Variants in PPTC7 observed in about 807,000 individuals in gnomAD.
PPTC7 encodes the protein protein phosphatase PTC7 homolog.
Under a neutral mutation model 30.8 loss-of-function variants are expected in PPTC7, and 6 were observed. The ratio of observed to expected loss-of-function variants is 0.19; its 90% CI spans 0.11 to 0.38. The LOEUF (loss-of-function observed/expected upper bound fraction) is 0.38. Among genes scored for constraint, PPTC7 ranks in the 10% least tolerant of loss-of-function variants. The probability of loss-of-function intolerance (pLI) is 1.00; values close to 1 mark genes in which losing one functional copy is unlikely to be tolerated. For synonymous variants in PPTC7, 163 were observed against 168.1 expected (o/e 0.97, Z 0.23); for missense variants, 218 against 404.8 (o/e 0.54, Z 3.96).
At chr12:110,551,712 A>T (rs2064350817) in intron 2 of PPTC7, 77 bp downstream of exon 2, 1 of 1,347,326 alleles carries the variant, frequency 7.4e-7, no homozygotes. Flanking sequence ...AGCTGGTCCG[A>T]TAAATGATTT....
intron 3 of PPTC7, among the ~76,000 whole-genome samples, chr12:110,543,001 G>A (rs2064274818): frequency 6.6e-6 from 1 of 152,174 alleles, no homozygotes; most frequent in African/African-American, 2.4e-5. Context: ...AGGGAAAGGT[G>A]AGATCTGATA....
At chr12:110,545,266 C>T (rs951203789) in intron 3 of PPTC7, among the ~76,000 whole-genome samples, 1 of 152,008 alleles carries the variant, frequency 6.6e-6, no homozygotes, top group Non-Finnish European at 1.5e-5. Flanking sequence ...CTAATTTTTG[C>T]ATTTTTAGTA....
intron 1 of PPTC7, among the ~76,000 whole-genome samples, chr12:110,576,384 C>A (rs1005968717): frequency 4.6e-5 from 7 of 152,026 alleles, no homozygotes; most frequent in African/African-American, 1.4e-4. Flanking sequence ...AGGTATATAT[C>A]CCCTCAAATT....
chr12:110,557,647 T>C (rs1380333889), intron 1 of PPTC7, among the ~76,000 whole-genome samples: 1 of 152,202 alleles, frequency 6.6e-6, no homozygotes, highest in Non-Finnish European at 1.5e-5. Context: ...ATTATAACAA[T>C]ATACTATAAT....
In PPTC7 at chr12:110,536,854, C is replaced by CTAG; in HGVS notation, c.*180_*182dup. On this transcript the variant is annotated 3_prime_UTR_variant, in exon 6 of 6. Transcript: ENST00000354300. ...TTCAATTGCTGCCGGCAGATATGAG[C>CTAG]TAGTGAATGATAGTAGTGGTTCTCA... 1.8e-6 allele frequency: 1 copy of CTAG among 557,494 alleles called. No homozygotes were observed. The highest frequency in any genetic ancestry group is 3.1e-5 in the Admixed American group (1 of 31,954). The allele number at this position is 557,494 out of a possible 1,614,324, so 34.5% of individuals were successfully genotyped here. A position where few individuals can be genotyped will look rare whatever the true frequency, so the allele number is the denominator to read the frequency against.
At chr12:110,545,162 G>A (rs1306662848) in intron 3 of PPTC7, among the ~76,000 whole-genome samples, 2 of 151,922 alleles carry the variant, frequency 1.3e-5, no homozygotes, top group African/African-American at 4.8e-5. Context: ...GCGCAATCTC[G>A]GCTCACTGCA....
At chr12:110,545,081 C>A (rs1353095001) in intron 3 of PPTC7, among the ~76,000 whole-genome samples, 1 of 151,738 alleles carries the variant, frequency 6.6e-6, no homozygotes, top group Non-Finnish European at 1.5e-5. Flanking sequence ...ACCTCAAGAC[C>A]ATTTTGGTTT....
intron 1 of PPTC7, among the ~76,000 whole-genome samples, chr12:110,559,730 GAAAAAAAAAA>G (rs770672237): frequency 2.2e-5 from 2 of 89,684 alleles, no homozygotes; most frequent in East Asian, 3.4e-4. Context: ...AGCCTCAGGG[GAAAAAAAAAA>G]AAAAAAAAAA....
At chr12:110,549,699 G>A (rs1399101144) in intron 2 of PPTC7, among the ~76,000 whole-genome samples, 1 of 152,078 alleles carries the variant, frequency 6.6e-6, no homozygotes, top group Non-Finnish European at 1.5e-5. Flanking sequence ...GGGAAAGTAG[G>A]AATAGGAAAA....
chr12:110,557,639 T>C (rs2064401297), intron 1 of PPTC7, among the ~76,000 whole-genome samples: 1 of 152,210 alleles, frequency 6.6e-6, no homozygotes. Context: ...ACAGAATAAT[T>C]ATAACAATAT....
At chr12:110,565,147 A>G (rs565570119) in intron 1 of PPTC7, among the ~76,000 whole-genome samples, 1 of 151,912 alleles carries the variant, frequency 6.6e-6, no homozygotes, top group African/African-American at 2.4e-5. Flanking sequence ...AAGTGCTGGG[A>G]TTACCCACCA....
At chr12:110,581,750 G>C (rs776317474) in intron 1 of PPTC7, among the ~76,000 whole-genome samples, 7 of 152,166 alleles carry the variant, frequency 4.6e-5, no homozygotes, top group Non-Finnish European at 8.8e-5. Context: ...TCATAAAAAA[G>C]TTACAGAATC....
At chr12:110,581,136 G>A (rs1461819823) in intron 1 of PPTC7, among the ~76,000 whole-genome samples, 1 of 152,100 alleles carries the variant, frequency 6.6e-6, no homozygotes, top group Admixed American at 6.6e-5. Flanking sequence ...CAACACAGGG[G>A]CCAGGCTCAC....
intron 1 of PPTC7, among the ~76,000 whole-genome samples, chr12:110,570,673 G>A (rs2135790625): frequency 8.4e-6 from 1 of 119,548 alleles, no homozygotes; most frequent in Admixed American, 9.4e-5. Context: ...GCACTGAGAT[G>A]TTTATGTGTA....
intron 1 of PPTC7, among the ~76,000 whole-genome samples, chr12:110,576,152 C>G (rs1425514125): frequency 6.6e-6 from 1 of 152,004 alleles, no homozygotes; most frequent in Non-Finnish European, 1.5e-5. Context: ...ATTAATATTC[C>G]ACAATTTTCT....
chr12:110,566,637 A>G (rs1593161197), intron 1 of PPTC7, among the ~76,000 whole-genome samples: 2 of 152,174 alleles, frequency 1.3e-5, no homozygotes, highest in African/African-American at 2.4e-5. Context: ...CAGCAAACAG[A>G]CCAGCCTAGA....
chr12:110,572,335 T>C (rs780577908), intron 1 of PPTC7, among the ~76,000 whole-genome samples: 5 of 152,072 alleles, frequency 3.3e-5, no homozygotes, highest in Non-Finnish European at 7.4e-5. Context: ...TCCCAGCTAC[T>C]AGGGAGGCTG....
chr12:110,559,634 G>A (rs2064420771), intron 1 of PPTC7, among the ~76,000 whole-genome samples: 1 of 151,098 alleles, frequency 6.6e-6, no homozygotes, highest in African/African-American at 2.4e-5. Flanking sequence ...GCTGAGGCAG[G>A]AGAATCACTT....
chr12:110,545,868 A>T lies in PPTC7; in HGVS notation c.602+12T>A. On this transcript the variant is annotated intron_variant, in intron 3 of 5. Coordinates refer to ENST00000354300, the MANE Select transcript of PPTC7 (RefSeq NM_139283.2). The stretch of plus-strand genomic sequence containing the variant: ...GTCCTGCTCACACTTAATGGCTGAG[A>T]GGGGAGATTACCTGTCGCTCAAGAC... The T allele has an allele frequency of 6.2e-7, 1 of 1,612,628 alleles. No individual in the cohort carries two copies. The highest frequency in any genetic ancestry group is 8.5e-7 in the Non-Finnish European group (1 of 1,179,716).
Sources: allele counts gnomAD v4.1 joint callset (sites outside exome capture counted in the v4.1 genomes callset), GRCh38; gene constraint gnomAD v4.1.1; transcripts MANE v1.5; gene names NCBI Gene and HGNC (gene_info 2026-07-23, HGNC 2026-07-21).